Variants in ARSG observed in about 807,000 individuals in gnomAD.
ARSG encodes ASG.
In ARSG, 37 loss-of-function variants were observed where a neutral mutation model predicts 50.5. The observed-to-expected ratio is 0.73, with a 90% CI of 0.56 to 0.96. The LOEUF is 0.96. Ranked by LOEUF, ARSG falls within the 50% of genes least tolerant of loss-of-function variation. The pLI, the probability that ARSG is intolerant of heterozygous loss-of-function variation, is 0.00. For missense variants in ARSG, 629 were observed against 675.3 expected, an observed-to-expected ratio of 0.93 and a Z score of 0.76; for synonymous variants, 225 against 254.6, an observed-to-expected ratio of 0.88 and a Z score of 1.11.
chr17:68,278,947 A>G (rs2075611427), intron 1 of ARSG, among the ~76,000 whole-genome samples: 1 of 152,118 alleles, frequency 6.6e-6, no homozygotes. Flanking sequence ...ATCATGTACA[A>G]GCAGTATAAA....
chr17:68,274,016 A>T, intron 1 of ARSG: 1 of 1,614,152 alleles, frequency 6.2e-7, no homozygotes, highest in South Asian at 1.1e-5. Context: ...TAGCCCCCCC[A>T]ACATCACTAC....
chr17:68,394,438 CA>C (rs909212277), intron 9 of ARSG, among the ~76,000 whole-genome samples: 1 of 151,516 alleles, frequency 6.6e-6, no homozygotes, highest in Non-Finnish European at 1.5e-5. Flanking sequence ...CTTGTCTCTA[CA>C]AAAAAATAAA....
the ARSG span, among the ~76,000 whole-genome samples, chr17:68,438,199 C>T: frequency 2.1e-4 from 32 of 152,162 alleles, no homozygotes; most frequent in Non-Finnish European, 2.9e-4. Flanking sequence ...TGCATAGCTA[C>T]GGGAGGAAGT....
chr17:68,394,282 A>G (rs1277761177), intron 9 of ARSG, among the ~76,000 whole-genome samples: 1 of 152,194 alleles, frequency 6.6e-6, no homozygotes, highest in African/African-American at 2.4e-5. Context: ...AAAAGTCATT[A>G]CATTTGTGAG....
chr17:68,322,578 C>T (rs1248192736), intron 2 of ARSG, among the ~76,000 whole-genome samples: 2 of 151,838 alleles, frequency 1.3e-5, no homozygotes, highest in South Asian at 2.1e-4. Flanking sequence ...GATTGTGCCA[C>T]TGCACTCCAG....
the ARSG span, among the ~76,000 whole-genome samples, chr17:68,429,141 C>T: frequency 2.1e-4 from 32 of 152,282 alleles, 1 homozygote; most frequent in East Asian, 3.1e-3. Flanking sequence ...TGTCTTTGAA[C>T]GTGACAGTGT....
At chr17:68,272,852 G>A (rs1555749516) in intron 1 of ARSG, 46 of 1,559,684 alleles carry the variant, frequency 2.9e-5, no homozygotes, top group Non-Finnish European at 1.7e-6. Flanking sequence ...GGGATTTTTG[G>A]TTTTGCTTTT....
the ARSG span, among the ~76,000 whole-genome samples, chr17:68,446,753 A>G: frequency 6.6e-6 from 1 of 152,260 alleles, no homozygotes; most frequent in Non-Finnish European, 1.5e-5. Flanking sequence ...GCCTTGACAT[A>G]TGCCTCTCCT....
chr17:68,385,240 C>T (rs1052044175), intron 9 of ARSG, 68 bp downstream of exon 9: 53 of 1,415,696 alleles, frequency 3.7e-5, no homozygotes, highest in Non-Finnish European at 3.0e-6. Flanking sequence ...GCATGGGTGG[C>T]TAGATGGAGG....
chr17:68,342,115 C>A (rs1015168295), intron 2 of ARSG, among the ~76,000 whole-genome samples: 2 of 151,812 alleles, frequency 1.3e-5, no homozygotes, highest in East Asian at 3.9e-4. Flanking sequence ...CCACTACGCC[C>A]GACCTCAGTC....
chr17:68,278,203 C>T (rs1381646484), intron 1 of ARSG: 6 of 1,613,978 alleles, frequency 3.7e-6, no homozygotes, highest in Admixed American at 1.7e-5. Flanking sequence ...TTGATGATGC[C>T]GTAGGTGAAG....
intron 10 of ARSG, among the ~76,000 whole-genome samples, chr17:68,396,996 G>A (rs1251107826): frequency 1.3e-5 from 2 of 152,184 alleles, no homozygotes; most frequent in African/African-American, 4.8e-5. Flanking sequence ...TACCATGGCT[G>A]CTAGGAATAA....
At chr17:68,437,071 C>T in the ARSG span, among the ~76,000 whole-genome samples, 14 of 145,784 alleles carry the variant, frequency 9.6e-5, no homozygotes, top group Non-Finnish European at 8.9e-5. Flanking sequence ...TACCCCAGGA[C>T]TCTGAAACAG....
chr17:68,290,608 C>T, upstream of ARSG, among the ~76,000 whole-genome samples: 1 of 152,244 alleles, frequency 6.6e-6, no homozygotes, highest in Non-Finnish European at 1.5e-5. Context: ...GGCAGGGAGC[C>T]CCACTTTCCC....
upstream of ARSG, among the ~76,000 whole-genome samples, chr17:68,287,024 C>T (rs2075856762): frequency 6.6e-6 from 1 of 152,086 alleles, no homozygotes; most frequent in Admixed American, 6.6e-5. Context: ...GCTCTTGTTG[C>T]CTAGGCTGGA....
chr17:68,387,423 A>T (rs949707512), intron 9 of ARSG, among the ~76,000 whole-genome samples: 16 of 152,186 alleles, frequency 1.1e-4, no homozygotes, highest in African/African-American at 3.6e-4. Flanking sequence ...GCCATCACAC[A>T]CAGCCAAGGC....
intron 4 of ARSG, among the ~76,000 whole-genome samples, chr17:68,350,316 C>T (rs1210635528): frequency 5.3e-5 from 8 of 152,146 alleles, no homozygotes; most frequent in Non-Finnish European, 1.2e-4. Flanking sequence ...TCTCCCTACT[C>T]CTGGGCCTGG....
At chr17:68,281,495 A>T (rs1165284411) in intron 1 of ARSG, among the ~76,000 whole-genome samples, 1 of 152,164 alleles carries the variant, frequency 6.6e-6, no homozygotes, top group Non-Finnish European at 1.5e-5. Flanking sequence ...GACTCACTTG[A>T]ACCTGGGAGG....
rs548485096 is a variant in ARSG at position 68,271,857 on chromosome 17, C to T, written c.-552+12431C>T. 9.8e-5 allele frequency among the ~76,000 whole-genome samples: 15 copies of T among 152,304 alleles called. No individual in the cohort carries two copies. Among genetic ancestry groups the T allele is most frequent in the Admixed American group, 6.5e-4 (10 of 15,294 alleles). ...CTCACTCTGTCACCAGGCTGGAGTG[C>T]AGTGGCCTGATCTCAGCTCACCGCA... On this transcript the variant is annotated intron_variant, in intron 1 of 11. Transcript: ENST00000448504. This position sits in a 1 kb window ranked among gnomAD's most constrained non-coding sequence, Gnocchi z 5.3.
Sources: allele counts gnomAD v4.1 joint callset (sites outside exome capture counted in the v4.1 genomes callset), GRCh38; gene constraint gnomAD v4.1.1; non-coding constraint Gnocchi (gnomAD v3.1); transcripts MANE v1.5; gene names NCBI Gene and HGNC (gene_info 2026-07-23, HGNC 2026-07-21).